ING3: variants seen among roughly 807,000 people sequenced by gnomAD.
ING3 encodes inhibitor of growth family member 3, also known as inhibitor of growth protein 3.
A neutral mutation model predicts 64.8 loss-of-function variants in ING3; 6 were observed. That is an observed-to-expected ratio of 0.09 (90% confidence interval 0.05 to 0.18). The LOEUF (loss-of-function observed/expected upper bound fraction) is 0.18, where lower values mean the gene tolerates loss of function less well. ING3 is among the 10% of genes least tolerant of loss of function. The probability of loss-of-function intolerance (pLI) is 1.00; values close to 1 mark genes in which losing one functional copy is unlikely to be tolerated. For synonymous variants in ING3, 170 were observed against 173.7 expected (o/e 0.98, Z 0.17); for missense variants, 310 against 489.7 (o/e 0.63, Z 3.46).
At chr7:120,973,481 T>TTA (rs3837125) in intron 11 of ING3, among the ~76,000 whole-genome samples, 13,017 of 152,166 alleles carry the variant, frequency 0.086, 900 homozygotes, top group East Asian at 0.28. Context: ...CTCAGAAGTG[T>TTA]TATGTTGTAT....
rs1446087367 is a variant in ING3 at position 120,967,632 on chromosome 7, T to C, written c.540T>C (p.Ser180=). 6.3e-7 allele frequency: 1 copy of C among 1,594,744 alleles called. No individual in the cohort carries two copies. Among genetic ancestry groups the C allele is most frequent in the Non-Finnish European group, 8.5e-7 (1 of 1,173,754 alleles). The part of the protein sequence containing the change: ...ALLSTLTSDA[S]KENTLGCRNN... ...TATCCACCCTTACGTCAGATGCCTC[T>C]AAGGAAAATACACTAGGTAAGTTAA... Residue 180 remains serine (S), a synonymous_variant, in exon 7 of 12, where the codon TCT becomes TCC. Coordinates refer to ENST00000315870, the MANE Select transcript of ING3 (RefSeq NM_019071.3).
Position 120,954,377 on chromosome 7 carries a change from G to A in ING3, c.201+973G>A, listed in dbSNP as rs560304822. Among the ~76,000 whole-genome samples the A allele has an allele frequency of 5.9e-5, 9 of 151,826 alleles. No individual in the cohort carries two copies. The South Asian group carries it at 1.9e-3, about 32-fold the overall frequency. ...GGAGGTGGAGGTTGCAGTGAGCCTAGATCGCGCCACTGCACTACAGCCTGG... is the reference window on the plus strand; with the variant it reads ...GGAGGTGGAGGTTGCAGTGAGCCTAAATCGCGCCACTGCACTACAGCCTGG... On this transcript the variant is annotated intron_variant, in intron 3 of 11. Transcript: ENST00000315870.
At chr7:120,967,886 CATT>C (rs766783811) in intron 7 of ING3, 45 bp from the exon 8 acceptor site, 16 of 1,584,774 alleles carry the variant, frequency 1.0e-5, no homozygotes, top group Non-Finnish European at 1.3e-5. Flanking sequence ...GACTCACTAA[CATT>C]ATGTTCTCTG....
chr7:120,973,927 C>T (rs1276561247), intron 11 of ING3, among the ~76,000 whole-genome samples: 1 of 152,140 alleles, frequency 6.6e-6, no homozygotes, highest in Non-Finnish European at 1.5e-5. Context: ...AGGGAGCTGG[C>T]TAGGTGCATT....
chr7:120,953,522 A>G, intron 3 of ING3, 118 bp downstream of exon 3: 2 of 617,854 alleles, frequency 3.2e-6, no homozygotes, highest in South Asian at 4.0e-5. Flanking sequence ...ATGACTCCTT[A>G]GAATATAAAT....
intron 6 of ING3, 55 bp from the exon 7 acceptor site, chr7:120,967,474 C>G: frequency 1.5e-6 from 2 of 1,322,528 alleles, no homozygotes; most frequent in South Asian, 2.9e-5. Context: ...AGTATTATGC[C>G]TTGTCCATAG....
Position 120,970,954 on chromosome 7 carries a change from A to G in ING3, c.1101+74A>G, listed in dbSNP as rs1453496911. The G allele has an allele frequency of 1.5e-6, 2 of 1,321,782 alleles. 1 individual carries two copies. Among genetic ancestry groups the G allele is most frequent in the South Asian group, 2.6e-5 (2 of 77,648 alleles). 81.9% of individuals were successfully genotyped at this position (1,321,782 alleles called of 1,614,324 possible). A position where few individuals can be genotyped will look rare whatever the true frequency, so the allele number is the denominator to read the frequency against. ...GAAGAGAACTATTTCATTTTTAAGCACTTTTTTAAACTCACTTAAAATACC... is the reference window on the plus strand; with the variant it reads ...GAAGAGAACTATTTCATTTTTAAGCGCTTTTTTAAACTCACTTAAAATACC... On this transcript the variant is annotated intron_variant, in intron 10 of 11. Transcript: ENST00000315870.
At chr7:120,954,383 G>C (rs1056877903) in intron 3 of ING3, among the ~76,000 whole-genome samples, 1 of 151,472 alleles carries the variant, frequency 6.6e-6, no homozygotes, top group African/African-American at 2.4e-5. Context: ...CCTAGATCGC[G>C]CCACTGCACT....
intron 4 of ING3, among the ~76,000 whole-genome samples, chr7:120,958,669 T>C (rs1387033540): frequency 6.6e-6 from 1 of 152,260 alleles, no homozygotes; most frequent in Non-Finnish European, 1.5e-5. Context: ...TTTTACTTGC[T>C]GCATCTTTGC....
In ING3 at chr7:120,955,350, A is replaced by G. The variant is rs562055638; in HGVS notation, c.202-209A>G. On this transcript the variant is annotated intron_variant, in intron 3 of 11. Transcript: ENST00000315870. ...TGTCATGTTGGCCAGGCTGGTCCCAAACTCCTGACCTCAAGTCATCCGTCC... is the reference window on the plus strand; with the variant it reads ...TGTCATGTTGGCCAGGCTGGTCCCAGACTCCTGACCTCAAGTCATCCGTCC... Among the ~76,000 whole-genome samples, 12 of 152,246 alleles carry G rather than the reference A, an allele frequency of 7.9e-5. No homozygotes were observed. The East Asian group carries it at 2.3e-3, about 29-fold the overall frequency.
intron 11 of ING3, 101 bp downstream of exon 11, chr7:120,973,344 GT>G: frequency 1.3e-6 from 1 of 772,926 alleles, no homozygotes. Context: ...AAGAAAACAG[GT>G]TTGCAGGTAT....
In ING3 at chr7:120,977,032, T is replaced by C. The variant is rs546925791; in HGVS notation, c.*2188T>C. 1.3e-5 allele frequency: 2 copies of C among 152,312 alleles called. No individual in the cohort carries two copies. The highest frequency in any genetic ancestry group is 3.9e-4 in the East Asian group (2 of 5,190). 9.4% of individuals were successfully genotyped at this position (152,312 alleles called of 1,614,324 possible). On this transcript the variant is annotated 3_prime_UTR_variant, in exon 12 of 12. Coordinates refer to ENST00000315870, the MANE Select transcript of ING3 (RefSeq NM_019071.3). ...CAAGGGGCATAGTAAGTATTTTTGG[T>C]ATTATAAAATACACATTCAAAATCT... is the stretch of plus-strand genomic sequence containing the variant.
chr7:120,964,953 C>CATTGA, intron 5 of ING3, 115 bp downstream of exon 5: 5 of 756,754 alleles, frequency 6.6e-6, no homozygotes, highest in Non-Finnish European at 1.1e-5. Flanking sequence ...TGGTGGCATC[C>CATTGA]AGGCCAGATA....
At chr7:120,954,356 G>A (rs1306771667) in intron 3 of ING3, among the ~76,000 whole-genome samples, 3 of 151,962 alleles carry the variant, frequency 2.0e-5, no homozygotes, top group Non-Finnish European at 2.9e-5. Context: ...AACCCAGGAG[G>A]TGGAGGTTGC....
chr7:120,956,724 A>T (rs958695075), intron 4 of ING3: 1 of 981,998 alleles, frequency 1.0e-6, no homozygotes, highest in Non-Finnish European at 1.2e-6. Context: ...TCAGTCTTTA[A>T]TTATGTCTAT....
At chr7:120,974,648 C>A in intron 11 of ING3, 80 bp from the exon 12 acceptor site, 2 of 704,706 alleles carry the variant, frequency 2.8e-6, no homozygotes, top group Non-Finnish European at 5.0e-6. Context: ...ATGGATTATT[C>A]AGTCTCCTGA....
chr7:120,963,330 T>TG (rs1400729359), intron 4 of ING3, among the ~76,000 whole-genome samples: 2 of 151,966 alleles, frequency 1.3e-5, no homozygotes, highest in Admixed American at 6.6e-5. Flanking sequence ...TTTCAGTTTT[T>TG]GAAAAAATCA....
At chr7:120,965,126 C>T (rs150439253) in intron 5 of ING3, among the ~76,000 whole-genome samples, 27 of 152,236 alleles carry the variant, frequency 1.8e-4, no homozygotes, top group African/African-American at 6.0e-4. Flanking sequence ...ATGTAACCAT[C>T]GGGAGACAAA....
intron 6 of ING3, 68 bp from the exon 7 acceptor site, chr7:120,967,461 A>C: frequency 8.8e-7 from 1 of 1,142,664 alleles, no homozygotes; most frequent in South Asian, 1.8e-5. Context: ...TTAACTGGAT[A>C]TAAGTATTAT....
Sources: allele counts gnomAD v4.1 joint callset (sites outside exome capture counted in the v4.1 genomes callset), GRCh38; gene constraint gnomAD v4.1.1; transcripts MANE v1.5; gene names NCBI Gene and HGNC (gene_info 2026-07-23, HGNC 2026-07-21).